PTPRD: variants seen among roughly 807,000 people sequenced by gnomAD.
PTPRD encodes the protein protein tyrosine phosphatase receptor type D, also known as receptor-type tyrosine-protein phosphatase delta.
PTPRD carries 34 observed loss-of-function variants against 214.5 expected under a neutral mutation model. The ratio of observed to expected loss-of-function variants is 0.16; its 90% CI spans 0.12 to 0.21. The LOEUF (loss-of-function observed/expected upper bound fraction) is 0.21. PTPRD is among the 10% of genes least tolerant of loss of function. PTPRD has a pLI of 1.00. For synonymous variants in PTPRD, 1,128 were observed against 845.7 expected (o/e 1.33, Z -5.79); for missense variants, 2,545 against 2,398.7 (o/e 1.06, Z -1.27).
chr9:10,010,516 A>G (rs538456604), intron 4 of PTPRD, among the ~76,000 whole-genome samples: 3 of 151,888 alleles, frequency 2.0e-5, no homozygotes, highest in Non-Finnish European at 2.9e-5. Context: ...TCAGGTATTG[A>G]TGAGTTCCAT....
At chr9:8,688,410 C>G (rs1383111106) in intron 12 of PTPRD, among the ~76,000 whole-genome samples, 1 of 151,622 alleles carries the variant, frequency 6.6e-6, no homozygotes, top group Non-Finnish European at 1.5e-5. Flanking sequence ...ACTAAAAATA[C>G]CAAAATTAGC....
intron 44 of PTPRD, among the ~76,000 whole-genome samples, chr9:8,320,934 T>C (rs1227893282): frequency 6.6e-6 from 1 of 152,116 alleles, no homozygotes; most frequent in Non-Finnish European, 1.5e-5. Context: ...TGTGTAACAC[T>C]TGGGCACGGG....
chr9:9,392,345 A>G (rs1231907405), intron 9 of PTPRD, among the ~76,000 whole-genome samples: 1 of 152,202 alleles, frequency 6.6e-6, no homozygotes, highest in Non-Finnish European at 1.5e-5. Context: ...ACTTCTGTAC[A>G]TTACAGATAG....
At chr9:10,003,568 A>G (rs1268094794) in intron 4 of PTPRD, among the ~76,000 whole-genome samples, 2 of 151,840 alleles carry the variant, frequency 1.3e-5, no homozygotes, top group African/African-American at 4.8e-5. Context: ...ATTAAAAGAT[A>G]GAATCTCAAC....
chr9:9,844,447 G>A (rs772222400), intron 5 of PTPRD, among the ~76,000 whole-genome samples: 3 of 151,808 alleles, frequency 2.0e-5, no homozygotes, highest in Admixed American at 6.6e-5. Flanking sequence ...TGAGGTGTGG[G>A]GTAAATGAGA....
intron 2 of PTPRD, among the ~76,000 whole-genome samples, chr9:10,468,366 T>C (rs1035925809): frequency 2.6e-5 from 4 of 152,198 alleles, no homozygotes; most frequent in Middle Eastern, 3.4e-3. Context: ...CAGATCAAGC[T>C]GGAAACCATC....
chr9:8,444,541 A>G (rs914561756), intron 34 of PTPRD, among the ~76,000 whole-genome samples: 27 of 152,118 alleles, frequency 1.8e-4, no homozygotes, highest in Admixed American at 7.2e-4. Flanking sequence ...TGTCAAATAA[A>G]AAAGAAAAAA....
chr9:9,907,860 A>C (rs887160396), intron 5 of PTPRD, among the ~76,000 whole-genome samples: 3 of 152,042 alleles, frequency 2.0e-5, no homozygotes, highest in African/African-American at 7.2e-5. Flanking sequence ...TTCATCACTC[A>C]TACCAGTAAC....
At chr9:9,826,038 T>A (rs2052709683) in intron 5 of PTPRD, among the ~76,000 whole-genome samples, 1 of 151,824 alleles carries the variant, frequency 6.6e-6, no homozygotes, top group Non-Finnish European at 1.5e-5. Context: ...GATCATAATT[T>A]TGAGTTATCT....
intron 4 of PTPRD, among the ~76,000 whole-genome samples, chr9:9,957,275 T>C (rs1490487996): frequency 1.3e-5 from 2 of 152,052 alleles, no homozygotes; most frequent in African/African-American, 4.8e-5. Flanking sequence ...CCAAATCATA[T>C]GGAATTCTGA....
At chr9:10,213,434 T>C (rs576626652) in intron 3 of PTPRD, among the ~76,000 whole-genome samples, 1 of 152,246 alleles carries the variant, frequency 6.6e-6, no homozygotes, top group African/African-American at 2.4e-5. Context: ...CTTCATGTTC[T>C]GTCTTTCACT....
chr9:10,583,700 G>A (rs1431551643), intron 2 of PTPRD, among the ~76,000 whole-genome samples: 1 of 151,882 alleles, frequency 6.6e-6, no homozygotes, highest in Non-Finnish European at 1.5e-5. Context: ...GGATGGTCTC[G>A]ATCTCCTGAC....
At chr9:8,351,613 G>A (rs1278882860) in intron 39 of PTPRD, among the ~76,000 whole-genome samples, 2 of 151,894 alleles carry the variant, frequency 1.3e-5, no homozygotes, top group African/African-American at 2.4e-5. Flanking sequence ...TCAGAAGTCT[G>A]GGTGATGTTG....
chr9:8,721,099 T>G (rs974597018), intron 12 of PTPRD, among the ~76,000 whole-genome samples: 1 of 151,754 alleles, frequency 6.6e-6, no homozygotes, highest in Non-Finnish European at 1.5e-5. Flanking sequence ...TGCCTACACT[T>G]AGAATATTCA....
At chr9:10,403,450 C>A (rs887311125) in intron 2 of PTPRD, among the ~76,000 whole-genome samples, 1 of 151,080 alleles carries the variant, frequency 6.6e-6, no homozygotes, top group East Asian at 2.0e-4. Flanking sequence ...ACTCTTCACA[C>A]CTATTAGAAT....
chr9:8,461,184 G>T (rs1222554522), intron 32 of PTPRD, among the ~76,000 whole-genome samples: 2 of 152,022 alleles, frequency 1.3e-5, no homozygotes, highest in Non-Finnish European at 2.9e-5. Context: ...TTTCAAAAGA[G>T]AATTCCACAG....
At chr9:8,961,586 A>G (rs1336786141) in intron 11 of PTPRD, among the ~76,000 whole-genome samples, 1 of 152,146 alleles carries the variant, frequency 6.6e-6, no homozygotes, top group South Asian at 2.1e-4. Flanking sequence ...GTTCTTCTGC[A>G]TCAAGGTTGA....
chr9:9,202,394 A>C (rs2099942404), intron 9 of PTPRD, among the ~76,000 whole-genome samples: 2 of 152,200 alleles, frequency 1.3e-5, no homozygotes, highest in African/African-American at 2.4e-5. Context: ...TTTCTTATCA[A>C]GTAGGAGACA....
chr9:9,945,261 A>T (rs1022019918), intron 4 of PTPRD, among the ~76,000 whole-genome samples: 1 of 152,106 alleles, frequency 6.6e-6, no homozygotes, highest in African/African-American at 2.4e-5. Context: ...TAAACCTGAG[A>T]TTACGGAGAA....
Sources: allele counts gnomAD v4.1 joint callset (sites outside exome capture counted in the v4.1 genomes callset), GRCh38; gene constraint gnomAD v4.1.1; transcripts MANE v1.5; gene names NCBI Gene and HGNC (gene_info 2026-07-23, HGNC 2026-07-21).